PRKCH: variants seen among roughly 807,000 people sequenced by gnomAD.
The protein encoded by PRKCH is protein kinase C eta type.
In PRKCH, 28 loss-of-function variants were observed where a neutral mutation model predicts 82.5. The ratio of observed to expected loss-of-function variants is 0.34; its 90% CI spans 0.25 to 0.47. The LOEUF (loss-of-function observed/expected upper bound fraction) is 0.47, where lower values mean the gene tolerates loss of function less well. Among genes scored for constraint, PRKCH ranks in the 20% least tolerant of loss-of-function variants. The pLI is 1.00. For missense variants in PRKCH, 705 were observed against 881.8 expected, an observed-to-expected ratio of 0.80 and a Z score of 2.54; for synonymous variants, 322 against 327.4, an observed-to-expected ratio of 0.98 and a Z score of 0.18.
intron 1 of PRKCH, among the ~76,000 whole-genome samples, chr14:61,335,700 A>T (rs956188543): frequency 2.0e-5 from 3 of 152,214 alleles, no homozygotes; most frequent in African/African-American, 7.2e-5. Context: ...CCTATTTTGA[A>T]TAGTTTTAGA....
At chr14:61,427,089 A>T (rs1883144715) in intron 2 of PRKCH, among the ~76,000 whole-genome samples, 1 of 152,164 alleles carries the variant, frequency 6.6e-6, no homozygotes, top group Admixed American at 6.5e-5. Context: ...GGGACATAAG[A>T]CATCAATCAG....
rs74638166 is a variant in PRKCH at position 61,385,039 on chromosome 14, A to T, written c.364-6186A>T. ...ATAGAAGAATCACATTTTTTTAAAG[A>T]CCACTGTTATCTGGGTTTCAACAAG... On this transcript the variant is annotated intron_variant, in intron 1 of 13. Coordinates refer to ENST00000332981, the MANE Select transcript of PRKCH (RefSeq NM_006255.5). 4.1e-3 allele frequency among the ~76,000 whole-genome samples: 619 copies of T among 152,062 alleles called. 19 individuals carry two copies. Among genetic ancestry groups the T allele is most frequent in the African/African-American group, 0.014 (584 of 41,378 alleles).
chr14:61,339,622 CTT>C (rs757220300), intron 1 of PRKCH, among the ~76,000 whole-genome samples: 708 of 60,004 alleles, frequency 0.012, 6 homozygotes, highest in African/African-American at 0.043. Flanking sequence ...CAAGCCCGGC[CTT>C]TTTTTTTTTT....
chr14:61,208,449 A>C (rs2044544345), intron 1 of PRKCH, among the ~76,000 whole-genome samples: 1 of 152,220 alleles, frequency 6.6e-6, no homozygotes, highest in Non-Finnish European at 1.5e-5. Context: ...GCAACTAAAA[A>C]TTATTCAGCA....
At chr14:61,365,432 C>T (rs1208986535) in intron 1 of PRKCH, among the ~76,000 whole-genome samples, 1 of 152,048 alleles carries the variant, frequency 6.6e-6, no homozygotes, top group Non-Finnish European at 1.5e-5. Context: ...TTTAGTGGCT[C>T]TGGGTAATCT....
At chr14:61,261,185 A>G (rs544476703) in intron 1 of PRKCH, among the ~76,000 whole-genome samples, 1 of 152,330 alleles carries the variant, frequency 6.6e-6, no homozygotes, top group Admixed American at 6.5e-5. Flanking sequence ...TGTTGCCGTC[A>G]CCAACGCACA....
In PRKCH at chr14:61,312,802, T is replaced by A. The variant is rs538034496; in HGVS notation, c.-19+125134T>A. ...CCTCCCACTGGCTCCCTCCACAACA[T>A]GTGGGGATTATGGGAGCTACAATTC... On this transcript the variant is annotated intron_variant, in intron 1 of 3. Coordinates refer to the PRKCH transcript ENST00000555185. 3.9e-5 allele frequency among the ~76,000 whole-genome samples: 6 copies of A among 152,190 alleles called. No individual in the cohort carries two copies. In the East Asian group the frequency reaches 1.2e-3, roughly 29 times the overall value.
intron 2 of PRKCH, among the ~76,000 whole-genome samples, chr14:61,393,699 A>G (rs2046723329): frequency 6.6e-6 from 1 of 152,206 alleles, no homozygotes. Context: ...CTGTGGCCCC[A>G]TCTTTCCAGG....
chr14:61,372,351 A>G (rs574445174), intron 1 of PRKCH, among the ~76,000 whole-genome samples: 1 of 152,128 alleles, frequency 6.6e-6, no homozygotes, highest in South Asian at 2.1e-4. Context: ...ATCTGTAAAT[A>G]TTTCTATATG....
Position 61,453,198 on chromosome 14 carries a change from A to T in PRKCH, c.833-28A>T, listed in dbSNP as rs760107485. 4 of 1,614,080 alleles carry T rather than the reference A, an allele frequency of 2.5e-6. No individual in the cohort carries two copies. In the African/African-American group the frequency reaches 4.0e-5, roughly 16 times the overall value. ...ATGTTGAATTGGTTCCTTTCTGAAC[A>T]TGGATTCTGTTTTCCTTTTCCCTCT... is the stretch of plus-strand genomic sequence containing the variant. On this transcript the variant is annotated intron_variant, in intron 6 of 13. Transcript: ENST00000332981.
At chr14:61,203,310 T>C (rs2044496848) in intron 1 of PRKCH, among the ~76,000 whole-genome samples, 1 of 152,004 alleles carries the variant, frequency 6.6e-6, no homozygotes, top group Non-Finnish European at 1.5e-5. Flanking sequence ...TGAAACCAGA[T>C]ATCCCAGGGA....
At chr14:61,229,076 G>A (rs977887395) in intron 1 of PRKCH, among the ~76,000 whole-genome samples, 1 of 152,030 alleles carries the variant, frequency 6.6e-6, no homozygotes, top group African/African-American at 2.4e-5. Context: ...ATACTATGGG[G>A]ACAGTAGCAT....
chr14:61,264,349 A>C (rs2045077217), intron 1 of PRKCH, among the ~76,000 whole-genome samples: 1 of 152,186 alleles, frequency 6.6e-6, no homozygotes. Context: ...TGCCAGTCCT[A>C]AGGTTCCACT....
At chr14:61,247,234 C>T (rs4899034) in intron 1 of PRKCH, among the ~76,000 whole-genome samples, 141,231 of 152,108 alleles carry the variant, frequency 0.93, 66,428 homozygotes, top group Non-Finnish European at 1. Flanking sequence ...AAGAAAGTGT[C>T]CCCTTAAAGC....
chr14:61,457,973 A>G (rs1884856249), intron 9 of PRKCH, among the ~76,000 whole-genome samples: 1 of 152,246 alleles, frequency 6.6e-6, no homozygotes, highest in South Asian at 2.1e-4. Context: ...GTGAAGGTGA[A>G]TGAAAGTTAC....
At chr14:61,369,291 C>G (rs2046337519) in intron 1 of PRKCH, among the ~76,000 whole-genome samples, 1 of 152,026 alleles carries the variant, frequency 6.6e-6, no homozygotes. Flanking sequence ...CTAACAAGTT[C>G]CCAGGGGATA....
Position 61,402,189 on chromosome 14 carries a change from C to T in PRKCH, c.427+10901C>T, listed in dbSNP as rs149725928. ...ATGACTTCCAATGATTCAGTGAACACGTATTTTCACAATGGCCAGTACGAG... is the reference window on the plus strand; with the variant it reads ...ATGACTTCCAATGATTCAGTGAACATGTATTTTCACAATGGCCAGTACGAG... On this transcript the variant is annotated intron_variant, in intron 2 of 13. Coordinates refer to ENST00000332981, the MANE Select transcript of PRKCH (RefSeq NM_006255.5). Among the ~76,000 whole-genome samples the T allele has an allele frequency of 8.8e-3, 1,334 of 152,208 alleles. 29 individuals carry two copies. The highest frequency in any genetic ancestry group is 0.031 in the African/African-American group (1,272 of 41,490).
At chr14:61,301,151 G>A (rs2045444690) in intron 1 of PRKCH, among the ~76,000 whole-genome samples, 1 of 152,096 alleles carries the variant, frequency 6.6e-6, no homozygotes, top group South Asian at 2.1e-4. Context: ...GTGTGTCCAT[G>A]TCCTCGATTT....
intron 2 of PRKCH, among the ~76,000 whole-genome samples, chr14:61,396,817 A>T (rs974230103): frequency 2.6e-5 from 4 of 152,034 alleles, no homozygotes; most frequent in African/African-American, 9.7e-5. Flanking sequence ...GTGGCCAGAG[A>T]TTTCGGAGGG....
Sources: allele counts gnomAD v4.1 joint callset (sites outside exome capture counted in the v4.1 genomes callset), GRCh38; gene constraint gnomAD v4.1.1; transcripts MANE v1.5; gene names NCBI Gene and HGNC (gene_info 2026-07-23, HGNC 2026-07-21).